The following TG variants were observed in gnomAD, a reference collection of about 807,000 sequenced individuals.
TG encodes the protein thyroid hormones.
Under a neutral mutation model 324.7 loss-of-function variants are expected in TG, and 270 were observed. The observed-to-expected ratio is 0.83, with a 90% CI of 0.75 to 0.92. The LOEUF is 0.92. Among genes scored for constraint, TG ranks in the 40% least tolerant of loss-of-function variants. TG has a pLI of 0.00. For missense variants in TG, 3,591 were observed against 3,456.4 expected, an observed-to-expected ratio of 1.04 and a Z score of -0.98; for synonymous variants, 1,401 against 1,327.0, an observed-to-expected ratio of 1.06 and a Z score of -1.21.
At chr8:133,015,122 C>A (rs980677614) in intron 37 of TG, among the ~76,000 whole-genome samples, 1 of 152,224 alleles carries the variant, frequency 6.6e-6, no homozygotes, top group Admixed American at 6.5e-5. Flanking sequence ...ATCCACCTGC[C>A]TCAGCCTCCC....
At chr8:133,087,809 G>T (rs1362631745) in intron 41 of TG, 1 of 152,162 alleles carries the variant, frequency 6.6e-6, no homozygotes, top group Non-Finnish European at 1.5e-5. Flanking sequence ...CCTGGGACTG[G>T]ATGCCTGTGA....
chr8:132,874,559 T>A (rs1045473903), intron 5 of TG, among the ~76,000 whole-genome samples: 1 of 152,184 alleles, frequency 6.6e-6, no homozygotes, highest in Non-Finnish European at 1.5e-5. Context: ...AAACAACCAG[T>A]TTCTTTCCAT....
At position 132,946,573 on chromosome 8, in the gene TG, A is replaced by C. The variant is rs1825333756; in HGVS notation, c.5234-2203A>C. Among the ~76,000 whole-genome samples the C allele has an allele frequency of 5.9e-5, 9 of 152,142 alleles. No individual in the cohort carries two copies. In the South Asian group the frequency reaches 1.9e-3, roughly 32 times the overall value. ...TTTACCACAGTCTGGAAAGTCATTT[A>C]GCTCTGGTGGATTCCCCTCCTTCCC... On this transcript the variant is annotated intron_variant, in intron 26 of 47. Transcript: ENST00000220616.
chr8:132,961,999 G>A (rs543829365), intron 28 of TG, among the ~76,000 whole-genome samples: 3 of 152,192 alleles, frequency 2.0e-5, no homozygotes, highest in South Asian at 4.1e-4. Context: ...CATGGGTAAC[G>A]TGCGATACAG....
intron 25 of TG, among the ~76,000 whole-genome samples, chr8:132,939,998 G>A (rs1021329100): frequency 6.6e-6 from 1 of 151,958 alleles, no homozygotes; most frequent in Non-Finnish European, 1.5e-5. Flanking sequence ...TTTTTTACCT[G>A]CTCAATGTCC....
chr8:132,895,701 T>C (rs1816989776), intron 11 of TG, among the ~76,000 whole-genome samples: 1 of 152,210 alleles, frequency 6.6e-6, no homozygotes, highest in African/African-American at 2.4e-5. Flanking sequence ...GGAAGAACCA[T>C]GTTGTTTTAC....
chr8:132,883,749 C>T (rs564562139), intron 8 of TG, among the ~76,000 whole-genome samples: 1 of 152,036 alleles, frequency 6.6e-6, no homozygotes, highest in African/African-American at 2.4e-5. Context: ...AGCAGTAGTC[C>T]GGAGGCAACG....
chr8:133,077,409 A>G (rs7827533), intron 41 of TG, among the ~76,000 whole-genome samples: 42,533 of 151,950 alleles, frequency 0.28, 6,753 homozygotes, highest in African/African-American at 0.42. Context: ...TGGGTGACTG[A>G]AGGGTTGCTG....
chr8:133,129,017 T>C (rs1851753768), intron 45 of TG, among the ~76,000 whole-genome samples: 1 of 152,164 alleles, frequency 6.6e-6, no homozygotes, highest in Non-Finnish European at 1.5e-5. Context: ...TGCTGCTGAA[T>C]CCAAATCCCC....
chr8:132,968,588 A>G (rs1366582458), intron 31 of TG, among the ~76,000 whole-genome samples: 2 of 152,134 alleles, frequency 1.3e-5, no homozygotes, highest in Non-Finnish European at 2.9e-5. Context: ...TCTTTCTCAG[A>G]TGTCCAGTGA....
At chr8:133,050,061 A>G in intron 41 of TG, 1 of 980,046 alleles carries the variant, frequency 1.0e-6, no homozygotes, top group Non-Finnish European at 1.7e-6. Flanking sequence ...GAACAGAGTA[A>G]TCAGATTTAA....
At position 132,887,458 on chromosome 8, in the gene TG, G is replaced by A. The variant is rs775743219; in HGVS notation, c.2086G>A (p.Val696Ile). ...ACTSEGHFLP[V>I]QCFNSECYCV... ...TACTAGTGAGGGACATTTCCTGCCT[G>A]TCCAGTGCTTCAACTCAGAGTGCTA... The change falls in exon 9 of 48, where the codon GTC becomes ATC. Residue 696 changes from valine to isoleucine, a missense_variant. By Grantham distance (29) the Val-to-Ile change is conservative. Transcript: ENST00000220616. 21 of 1,614,168 alleles carry A rather than the reference G, an allele frequency of 1.3e-5. No homozygotes were observed. Among genetic ancestry groups the A allele is most frequent in the Non-Finnish European group, 1.7e-5 (20 of 1,180,038 alleles).
intron 38 of TG, among the ~76,000 whole-genome samples, chr8:133,018,631 A>C (rs1161712128): frequency 6.6e-6 from 1 of 151,858 alleles, no homozygotes; most frequent in Non-Finnish European, 1.5e-5. Context: ...TAGCAAGCAT[A>C]TTGAAGAACA....
intron 46 of TG, 33 bp downstream of exon 46, chr8:133,131,979 A>G (rs1167890311): frequency 6.2e-7 from 1 of 1,613,592 alleles, no homozygotes; most frequent in African/African-American, 1.3e-5. Context: ...GAATTCTGTC[A>G]CTGTGCTTTT....
intron 45 of TG, among the ~76,000 whole-genome samples, chr8:133,123,076 T>C (rs1304907048): frequency 6.6e-6 from 1 of 152,070 alleles, no homozygotes; most frequent in Non-Finnish European, 1.5e-5. Flanking sequence ...CCAGTCCCCC[T>C]AAGCTGTGCC....
intron 26 of TG, among the ~76,000 whole-genome samples, chr8:132,945,213 G>A (rs560473211): frequency 1.5e-4 from 23 of 152,148 alleles, no homozygotes; most frequent in Non-Finnish European, 2.5e-4. Context: ...AGAAACTGTC[G>A]CAGTAGTCCA....
At chr8:133,070,029 AAG>A (rs1564149270) in intron 41 of TG, among the ~76,000 whole-genome samples, 1 of 109,792 alleles carries the variant, frequency 9.1e-6, no homozygotes, top group African/African-American at 3.9e-5. Flanking sequence ...AAAAAAAAGA[AAG>A]AAAGAAAGAA....
Position 132,871,410 on chromosome 8 carries a change from G to A in TG, c.337G>A (p.Asp113Asn), listed in dbSNP as rs1344632057. 3 of 1,614,084 alleles carry A rather than the reference G, an allele frequency of 1.9e-6. No individual in the cohort carries two copies. Among genetic ancestry groups the A allele is most frequent in the Non-Finnish European group, 2.5e-6 (3 of 1,180,046 alleles). The change falls in exon 4 of 48, where the codon GAC becomes AAC. Residue 113 changes from aspartate to asparagine, a missense_variant. Asp to Asn is a conservative substitution (Grantham distance 23). Coordinates refer to ENST00000220616, the MANE Select transcript of TG (RefSeq NM_003235.5). ...ILLSGYINST[D>N]TSYLPQCQDS... ...ACTGAGTGGCTACATTAACAGCACA[G>A]ACACCTCCTACCTCCCTCAGTGTCA...
At chr8:133,055,768 C>A (rs1841325776) in intron 41 of TG, among the ~76,000 whole-genome samples, 1 of 152,006 alleles carries the variant, frequency 6.6e-6, no homozygotes, top group Non-Finnish European at 1.5e-5. Flanking sequence ...GCACCCAGGG[C>A]TTCTCAGACT....
Sources: allele counts gnomAD v4.1 joint callset (sites outside exome capture counted in the v4.1 genomes callset), GRCh38; gene constraint gnomAD v4.1.1; transcripts MANE v1.5; gene names NCBI Gene and HGNC (gene_info 2026-07-23, HGNC 2026-07-21).